Variants in ECI1 observed in about 807,000 individuals in gnomAD.
ECI1 encodes enoyl-CoA delta isomerase 1, mitochondrial.
Under a neutral mutation model 34.2 loss-of-function variants are expected in ECI1, and 34 were observed. The ratio of observed to expected loss-of-function variants is 1.00; its 90% CI spans 0.76 to 1.33. The LOEUF is 1.33. Ranked by LOEUF, ECI1 falls within the 40% of genes most tolerant of loss-of-function variation. The probability of loss-of-function intolerance (pLI) is 0.00; values close to 1 mark genes in which losing one functional copy is unlikely to be tolerated. For synonymous variants in ECI1, 211 were observed against 193.0 expected, an observed-to-expected ratio of 1.09 and a Z score of -0.77; for missense variants, 456 against 422.2, an observed-to-expected ratio of 1.08 and a Z score of -0.70.
At chr16:2,251,224 C>T in intron 2 of ECI1, 92 bp downstream of exon 2, 1 of 489,946 alleles carries the variant, frequency 2.0e-6, no homozygotes, top group South Asian at 8.9e-5. Context: ...AACCGAGCGT[C>T]GACAGACGTG....
intron 6 of ECI1, 117 bp from the exon 7 acceptor site, chr16:2,240,262 A>T: frequency 3.5e-6 from 4 of 1,154,374 alleles, no homozygotes; most frequent in Admixed American, 2.0e-5. Context: ...CCCAGGCTGG[A>T]GTGCAATGGT....
chr16:2,244,903 A>G (rs2093536759), intron 3 of ECI1, among the ~76,000 whole-genome samples: 1 of 152,196 alleles, frequency 6.6e-6, no homozygotes, highest in Admixed American at 6.5e-5. Flanking sequence ...GACTCCTGAG[A>G]ATCCAGAGGA....
intron 4 of ECI1, among the ~76,000 whole-genome samples, chr16:2,243,961 C>T (rs1296485463): frequency 6.6e-6 from 1 of 152,202 alleles, no homozygotes; most frequent in East Asian, 1.9e-4. Flanking sequence ...ACCAGCCCTC[C>T]CCTCCACCAG....
chr16:2,245,268 C>T (rs144640613), intron 3 of ECI1, among the ~76,000 whole-genome samples: 12 of 152,244 alleles, frequency 7.9e-5, no homozygotes, highest in African/African-American at 2.2e-4. Flanking sequence ...GCCAGACCCC[C>T]CAAGGCTGTG....
At chr16:2,245,442 C>T (rs970110910) in intron 3 of ECI1, among the ~76,000 whole-genome samples, 2 of 152,214 alleles carry the variant, frequency 1.3e-5, no homozygotes, top group Non-Finnish European at 2.9e-5. Flanking sequence ...CATCCTCAGG[C>T]GATGTGAAAA....
intron 6 of ECI1, chr16:2,242,690 G>A (rs750976405): frequency 3.0e-6 from 1 of 330,046 alleles, no homozygotes; most frequent in Non-Finnish European, 5.7e-6. Context: ...AGAAACACAG[G>A]GGAGAAAGCT....
rs773328793 is a variant in ECI1, at chr16:2,239,978, G to A, written c.*1C>T. 3.2e-5 allele frequency: 52 copies of A among 1,613,496 alleles called. No homozygotes were observed. The highest frequency in any genetic ancestry group is 4.4e-5 in the South Asian group (4 of 91,092). On this transcript the variant is annotated 3_prime_UTR_variant, in exon 7 of 7. Transcript: ENST00000301729. ...GCCGTAAGCCTGTGGCAGCCCAATCGTTAGCCTTTTTCTTCTTTGAGCCTC... is the reference window on the plus strand; with the variant it reads ...GCCGTAAGCCTGTGGCAGCCCAATCATTAGCCTTTTTCTTCTTTGAGCCTC...
chr16:2,251,283 C>G (rs1369937401), intron 2 of ECI1, 33 bp downstream of exon 2: 2 of 1,086,296 alleles, frequency 1.8e-6, no homozygotes, highest in Admixed American at 4.6e-5. Context: ...GTCCTGACCC[C>G]ACGCCCGCCC....
intron 3 of ECI1, among the ~76,000 whole-genome samples, chr16:2,244,907 C>T (rs974191507): frequency 5.3e-5 from 8 of 152,190 alleles, no homozygotes; most frequent in African/African-American, 1.9e-4. Flanking sequence ...CCTGAGAATC[C>T]AGAGGAGCTG....
At chr16:2,241,253 A>G (rs2093527622) in intron 6 of ECI1, among the ~76,000 whole-genome samples, 1 of 152,206 alleles carries the variant, frequency 6.6e-6, no homozygotes, top group Admixed American at 6.5e-5. Context: ...AGTCATTTGT[A>G]TCAGGGTTGG....
Position 2,251,573 on chromosome 16 carries a change from C to T in ECI1, c.-7G>A, listed in dbSNP as rs757560123. 12 of 1,553,604 alleles carry T rather than the reference C, an allele frequency of 7.7e-6. No individual in the cohort carries two copies. The highest frequency in any genetic ancestry group is 3.6e-5 in the South Asian group (3 of 84,366). On this transcript the variant is annotated 5_prime_UTR_variant, in exon 1 of 7. Transcript: ENST00000301729. ...CAGAAGCCACCAGCGCCATCTTGAC[C>T]GCAACGCGCGGGATAAAGGTCGCGG...
chr16:2,248,169 TCACTACAA>T (rs2093544875), intron 2 of ECI1, among the ~76,000 whole-genome samples: 1 of 152,080 alleles, frequency 6.6e-6, no homozygotes. Context: ...CGATCTCAGC[TCACTACAA>T]CGTCCACCTC....
chr16:2,247,550 G>A (rs941903461), intron 2 of ECI1, among the ~76,000 whole-genome samples: 2 of 151,890 alleles, frequency 1.3e-5, no homozygotes, highest in Non-Finnish European at 2.9e-5. Flanking sequence ...GGTGCGTGCC[G>A]CTACATCCAG....
chr16:2,246,739 G>T (rs747060221), intron 3 of ECI1, 120 bp downstream of exon 3: 19 of 1,508,568 alleles, frequency 1.3e-5, no homozygotes, highest in Non-Finnish European at 1.7e-5. Context: ...TGGGGCTGCC[G>T]GCTGGCCTGT....
At chr16:2,243,502 C>T (rs184191152) in intron 4 of ECI1, 63 bp from the exon 5 acceptor site, 26 of 1,597,676 alleles carry the variant, frequency 1.6e-5, no homozygotes, top group Middle Eastern at 2.2e-4. Context: ...TCCAGAGGGC[C>T]AGGTCCAAGG....
At chr16:2,242,060 G>A (rs559742936) in intron 6 of ECI1, among the ~76,000 whole-genome samples, 20 of 152,172 alleles carry the variant, frequency 1.3e-4, no homozygotes, top group South Asian at 4.2e-4. Context: ...GGGTTTCACC[G>A]TGTTAGCCAG....
In ECI1 at chr16:2,244,570, G is replaced by A. The variant is rs1022662691; in HGVS notation, c.295-18C>T. ...GGGCGGTCCTGCAGGGGGAGCCGGG[G>A]CCACATGCCCATCAGAGTCCACCTC... On this transcript the variant is annotated intron_variant, in intron 3 of 6. Transcript: ENST00000301729. 6.4e-7 allele frequency: 1 copy of A among 1,569,540 alleles called. No homozygotes were observed. The highest frequency in any genetic ancestry group is 8.6e-7 in the Non-Finnish European group (1 of 1,157,576).
chr16:2,246,715 G>C lies in ECI1; in HGVS notation c.294+144C>G, dbSNP rs2093541088. 1.1e-5 allele frequency: 14 copies of C among 1,292,934 alleles called. No homozygotes were observed. The East Asian group carries it at 3.2e-4, about 30-fold the overall frequency. The allele number at this position is 1,292,934 out of a possible 1,614,324, so 80.1% of individuals were successfully genotyped here. A position where few individuals can be genotyped will look rare whatever the true frequency, so the allele number is the denominator to read the frequency against. On this transcript the variant is annotated intron_variant, in intron 3 of 6. Coordinates refer to ENST00000301729, the MANE Select transcript of ECI1 (RefSeq NM_001919.4). Reference sequence around the variant, plus strand: ...CTGGAAGCCTCCCGTGAAGGCGCCTGGAGTCCAGGGTGGTGGGGCTGCCGG... The same window carrying C: ...CTGGAAGCCTCCCGTGAAGGCGCCTCGAGTCCAGGGTGGTGGGGCTGCCGG...
chr16:2,243,055 C>G lies in ECI1; in HGVS notation c.733G>C (p.Ala245Pro). The G allele has an allele frequency of 2.5e-6, 4 of 1,602,924 alleles. No homozygotes were observed. Among genetic ancestry groups the G allele is most frequent in the Non-Finnish European group, 3.4e-6 (4 of 1,179,546 alleles). The change falls in exon 6 of 7, where the codon GCC becomes CCC. Residue 245 changes from alanine (A) to proline (P), a missense_variant. Ala to Pro is a conservative substitution (Grantham distance 27, BLOSUM62 -1). Coordinates refer to ENST00000301729, the MANE Select transcript of ECI1 (RefSeq NM_001919.4). ...TALSAIAQWM[A>P]IPDHARQLTK... ...ATGCCCCGTGCCTCACCTGGAATGG[C>G]CATCCACTGGGCTATCGCTGACAGC...
Sources: allele counts gnomAD v4.1 joint callset (sites outside exome capture counted in the v4.1 genomes callset), GRCh38; gene constraint gnomAD v4.1.1; transcripts MANE v1.5; gene names NCBI Gene and HGNC (gene_info 2026-07-23, HGNC 2026-07-21).